The following YWHAB variants were observed in gnomAD, a reference collection of about 807,000 sequenced individuals.
The protein encoded by YWHAB is 14-3-3 protein beta/alpha.
YWHAB carries 2 observed loss-of-function variants against 28.5 expected under a neutral mutation model. That is an observed-to-expected ratio of 0.07 (90% CI 0.03 to 0.22). The LOEUF (loss-of-function observed/expected upper bound fraction) is 0.22. Among genes scored for constraint, YWHAB ranks in the 10% least tolerant of loss-of-function variants. The pLI, the probability that YWHAB is intolerant of heterozygous loss-of-function variation, is 1.00. For missense variants in YWHAB, 148 were observed against 297.1 expected (o/e 0.50, Z 3.69); for synonymous variants, 103 against 104.7 (o/e 0.98, Z 0.10).
chr20:44,906,354 C>G, intron 5 of YWHAB, 28 bp from the exon 6 acceptor site: 1 of 1,612,480 alleles, frequency 6.2e-7, no homozygotes, highest in Non-Finnish European at 8.5e-7. Flanking sequence ...AGTAGCCCTG[C>G]TTTGATTATA....
At position 44,907,109 on chromosome 20, in the gene YWHAB, TC is replaced by T. The variant is rs2066662284; in HGVS notation, c.*672del. On this transcript the variant is annotated 3_prime_UTR_variant, in exon 6 of 6. Transcript: ENST00000353703. ...ATGACACCTTGAAAAGTTCAAGTGCTCATATAACACACCACACTGAACCCCC... is the reference window on the plus strand; with the variant it reads ...ATGACACCTTGAAAAGTTCAAGTGCTATATAACACACCACACTGAACCCCC... 2 of 152,216 alleles carry T rather than the reference TC, an allele frequency of 1.3e-5. No individual in the cohort carries two copies. The highest frequency in any genetic ancestry group is 2.4e-5 in the African/African-American group (1 of 41,426). The allele number at this position is 152,216 out of a possible 1,614,324, so 9.4% of individuals were successfully genotyped here.
rs1441496516 is a variant in YWHAB at position 44,885,738 on chromosome 20, T to A, written c.-152T>A. 5.7e-6 allele frequency: 1 copy of A among 175,794 alleles called. No individual in the cohort carries two copies. Among genetic ancestry groups the A allele is most frequent in the Non-Finnish European group, 1.2e-5 (1 of 86,534 alleles). 10.9% of individuals were successfully genotyped at this position (175,794 alleles called of 1,614,324 possible). A position where few individuals can be genotyped will look rare whatever the true frequency, so the allele number is the denominator to read the frequency against. Reference sequence around the variant, plus strand: ...AGCTACCGCCACCGCCGCCGCCGATTCCGGAGCCGGGGTAGTCGCCGCCGC... The same window carrying A: ...AGCTACCGCCACCGCCGCCGCCGATACCGGAGCCGGGGTAGTCGCCGCCGC... On this transcript the variant is annotated 5_prime_UTR_variant, in exon 1 of 6. Transcript: ENST00000353703.
At chr20:44,887,240 T>TA (rs1233603274) in intron 1 of YWHAB, 1 of 152,244 alleles carries the variant, frequency 6.6e-6, no homozygotes, top group Non-Finnish European at 1.5e-5. Flanking sequence ...TGTGTGAGTG[T>TA]AAAACCTGTC....
chr20:44,906,268 A>C, intron 5 of YWHAB, 114 bp from the exon 6 acceptor site: 2 of 1,218,970 alleles, frequency 1.6e-6, no homozygotes, highest in Non-Finnish European at 2.4e-6. Context: ...CCCTGTCTGC[A>C]GTGACACAGG....
At chr20:44,898,260 A>G (rs148036913) in intron 1 of YWHAB, among the ~76,000 whole-genome samples, 127 of 152,312 alleles carry the variant, frequency 8.3e-4, no homozygotes, top group African/African-American at 2.8e-3. Flanking sequence ...TAAGCTTACA[A>G]TTAGTGAGCC....
At chr20:44,892,702 A>T (rs1399026962) in intron 1 of YWHAB, among the ~76,000 whole-genome samples, 2 of 152,182 alleles carry the variant, frequency 1.3e-5, no homozygotes, top group East Asian at 3.8e-4. Flanking sequence ...TGGGCATTTT[A>T]TGTTCATTAT....
intron 2 of YWHAB, 176 bp downstream of exon 2, chr20:44,902,009 T>C (rs2145537391): frequency 1.7e-6 from 1 of 595,252 alleles, no homozygotes; most frequent in Non-Finnish European, 2.7e-6. Flanking sequence ...ACCTATTGCC[T>C]GATCAGAGGT....
intron 2 of YWHAB, chr20:44,903,207 C>A: frequency 3.9e-6 from 2 of 515,640 alleles, no homozygotes; most frequent in Non-Finnish European, 5.0e-6. Context: ...ACGTGTTAAG[C>A]GCTTTATGTA....
At chr20:44,902,032 C>G (rs972243883) in intron 2 of YWHAB, 199 bp downstream of exon 2, 1 of 506,838 alleles carries the variant, frequency 2.0e-6, no homozygotes, top group African/African-American at 1.9e-5. Context: ...TACATCACTT[C>G]TGAGATACTT....
intron 1 of YWHAB, among the ~76,000 whole-genome samples, chr20:44,889,032 C>T (rs1364551239): frequency 6.6e-6 from 1 of 152,000 alleles, no homozygotes; most frequent in Non-Finnish European, 1.5e-5. Flanking sequence ...AATGCTGGTA[C>T]CTTAGAGAAT....
chr20:44,891,952 T>A (rs148822286), intron 1 of YWHAB, among the ~76,000 whole-genome samples: 1 of 152,344 alleles, frequency 6.6e-6, no homozygotes, highest in African/African-American at 2.4e-5. Flanking sequence ...TAGTGGGTGT[T>A]TTTTAGTGAG....
At chr20:44,888,163 C>A (rs886836069) in intron 1 of YWHAB, among the ~76,000 whole-genome samples, 9 of 152,064 alleles carry the variant, frequency 5.9e-5, no homozygotes, top group Admixed American at 1.3e-4. Context: ...TGTTATTGAC[C>A]ATCTGCATGA....
chr20:44,894,886 CTG>C (rs1172288808), intron 1 of YWHAB, among the ~76,000 whole-genome samples: 3 of 152,232 alleles, frequency 2.0e-5, no homozygotes, highest in East Asian at 1.9e-4. Flanking sequence ...TATAGGTACT[CTG>C]TGTTCCTTGT....
chr20:44,893,948 T>C (rs1601090423), intron 1 of YWHAB, among the ~76,000 whole-genome samples: 1 of 152,146 alleles, frequency 6.6e-6, no homozygotes, highest in Non-Finnish European at 1.5e-5. Context: ...CTGCCTGCCT[T>C]GGCCTCCCAA....
At chr20:44,904,322 C>T (rs751121244) in intron 3 of YWHAB, among the ~76,000 whole-genome samples, 1 of 152,152 alleles carries the variant, frequency 6.6e-6, no homozygotes, top group Non-Finnish European at 1.5e-5. Context: ...GCATTACAAA[C>T]CTGGTGCGCA....
intron 2 of YWHAB, 73 bp downstream of exon 2, chr20:44,901,906 T>A: frequency 6.8e-7 from 1 of 1,465,518 alleles, no homozygotes. Flanking sequence ...ATGCAGACTC[T>A]CAAAACAGCT....
chr20:44,898,424 G>C (rs577715892), intron 1 of YWHAB, among the ~76,000 whole-genome samples: 7 of 152,146 alleles, frequency 4.6e-5, no homozygotes, highest in Non-Finnish European at 7.4e-5. Context: ...ATAAGGCCCT[G>C]TGTGTAGAAT....
Position 44,908,082 on chromosome 20 carries a change from A to G in YWHAB, c.*1644A>G, listed in dbSNP as rs1158687911. ...CCCCTCTACCTTTGATATTCCACTT[A>G]GCTGTAGAGTCCATCTGTTTGTCCA... On this transcript the variant is annotated 3_prime_UTR_variant, in exon 6 of 6. Coordinates refer to ENST00000353703, the MANE Select transcript of YWHAB (RefSeq NM_139323.4). 2.0e-5 allele frequency: 3 copies of G among 152,414 alleles called. No homozygotes were observed. Among genetic ancestry groups the G allele is most frequent in the Non-Finnish European group, 2.9e-5 (2 of 68,028 alleles). 9.4% of individuals were successfully genotyped at this position (152,414 alleles called of 1,614,324 possible).
Position 44,905,146 on chromosome 20 carries a change from T to C in YWHAB, c.588+15T>C. On this transcript the variant is annotated intron_variant, in intron 4 of 5. Transcript: ENST00000353703. ...TGGCAAAAACGGTGAGAAAGACCCTTTGTGATATCTAACCATAGCAAAACA... is the reference window on the plus strand; with the variant it reads ...TGGCAAAAACGGTGAGAAAGACCCTCTGTGATATCTAACCATAGCAAAACA... 6.3e-7 allele frequency: 1 copy of C among 1,597,900 alleles called. No individual in the cohort carries two copies. Among genetic ancestry groups the C allele is most frequent in the Non-Finnish European group, 8.5e-7 (1 of 1,173,990 alleles).
Sources: allele counts gnomAD v4.1 joint callset (sites outside exome capture counted in the v4.1 genomes callset), GRCh38; gene constraint gnomAD v4.1.1; transcripts MANE v1.5; gene names NCBI Gene and HGNC (gene_info 2026-07-23, HGNC 2026-07-21).